Variants in ESYT3 observed in about 807,000 individuals in gnomAD.
ESYT3 encodes extended synaptotagmin-3.
ESYT3 carries 101 observed loss-of-function variants against 111.5 expected under a neutral mutation model. That is an observed-to-expected ratio of 0.91 (90% CI 0.77 to 1.07). The LOEUF (loss-of-function observed/expected upper bound fraction) is 1.07, where lower values mean the gene tolerates loss of function less well. ESYT3 is among the 50% of genes least tolerant of loss of function. The pLI, the probability that ESYT3 is intolerant of heterozygous loss-of-function variation, is 0.00. For synonymous variants in ESYT3, 416 were observed against 446.8 expected (o/e 0.93, Z 0.87); for missense variants, 1,097 against 1,109.4 (o/e 0.99, Z 0.16).
chr3:138,472,654 C>G lies in ESYT3; in HGVS notation c.2032C>G (p.Pro678Ala). Residue 678 changes from proline to alanine, a missense_variant, in exon 18 of 23, where the codon CCC (proline) becomes GCC (alanine). Pro to Ala is a conservative substitution (Grantham distance 27). Coordinates refer to ENST00000389567, the MANE Select transcript of ESYT3 (RefSeq NM_031913.5). ...GGACAGTGCCAAAAGGTTCTGTGAG[C>G]CCATCGGGGAGAAGAAGAGTCCAGC... ...GKDSAKRFCEPIGEKKSPATI... is the reference protein window; with the variant it reads ...GKDSAKRFCEAIGEKKSPATI... The G allele has an allele frequency of 6.2e-7, 1 of 1,614,220 alleles. No individual in the cohort carries two copies. Among genetic ancestry groups the G allele is most frequent in the Non-Finnish European group, 8.5e-7 (1 of 1,180,040 alleles).
intron 8 of ESYT3, chr3:138,462,526 C>T: frequency 2.1e-6 from 1 of 481,340 alleles, no homozygotes; most frequent in Non-Finnish European, 3.7e-6. Context: ...ACCTTAACTT[C>T]CTTTTACAAT....
chr3:138,481,213 T>A (rs2033682269), downstream of ESYT3: 3 of 152,116 alleles, frequency 2.0e-5, no homozygotes, highest in South Asian at 6.2e-4. Context: ...AGACCACACA[T>A]CTCTCCGTGA....
chr3:138,465,090 G>A (rs2032855320), intron 9 of ESYT3, among the ~76,000 whole-genome samples: 1 of 152,222 alleles, frequency 6.6e-6, no homozygotes, highest in Non-Finnish European at 1.5e-5. Context: ...TCAGGACACC[G>A]CATGGCCCAT....
chr3:138,467,701 A>G (rs927261159), intron 11 of ESYT3, 92 bp downstream of exon 11: 1 of 1,190,584 alleles, frequency 8.4e-7, no homozygotes, highest in Admixed American at 1.9e-5. Context: ...AGCTATTCCT[A>G]TGCTGTGGTC....
At chr3:138,473,435 C>T (rs1006900729) in intron 18 of ESYT3, 101 bp from the exon 19 acceptor site, 22 of 1,010,966 alleles carry the variant, frequency 2.2e-5, no homozygotes, top group Middle Eastern at 2.2e-4. Flanking sequence ...TCCTACATGG[C>T]TCTATACTCC....
In ESYT3 at chr3:138,472,884, T is replaced by C. The variant is rs1035654242; in HGVS notation, c.2237+25T>C. ...AGTATGCACCTCTCTGCTTAATCTT[T>C]TCTAAAATCGCCTGTATGAAAAATA... On this transcript the variant is annotated intron_variant, in intron 18 of 22. Coordinates refer to ENST00000389567, the MANE Select transcript of ESYT3 (RefSeq NM_031913.5). 6 of 1,588,012 alleles carry C rather than the reference T, an allele frequency of 3.8e-6. No homozygotes were observed. The African/African-American group carries it at 8.1e-5, about 22-fold the overall frequency.
chr3:138,455,262 C>G lies in ESYT3; in HGVS notation c.438C>G (p.Pro146=). The change falls in exon 3 of 23, where the codon CCC becomes CCG. Residue 146 remains proline (P), a synonymous_variant. Transcript: ENST00000389567. ...MESKFREKLE[P]KIREKSIHLR... is the part of the protein sequence containing the mutation. ...GCAAGTTCCGGGAGAAACTTGAGCC[C>G]AAGATCCGAGAGAAGAGCATCCACC... The G allele has an allele frequency of 4.3e-6, 7 of 1,614,146 alleles. No individual in the cohort carries two copies. Among genetic ancestry groups the G allele is most frequent in the Non-Finnish European group, 5.9e-6 (7 of 1,180,018 alleles).
At chr3:138,442,970 A>G (rs897757211) in intron 1 of ESYT3, among the ~76,000 whole-genome samples, 2 of 152,160 alleles carry the variant, frequency 1.3e-5, no homozygotes, top group Non-Finnish European at 2.9e-5. Flanking sequence ...AACTTCTAGG[A>G]ATTACCAACC....
At chr3:138,450,648 A>G (rs138204815) in intron 1 of ESYT3, among the ~76,000 whole-genome samples, 1 of 152,204 alleles carries the variant, frequency 6.6e-6, no homozygotes, top group African/African-American at 2.4e-5. Context: ...CTGACCAATC[A>G]AGGCTGTTAA....
chr3:138,450,582 T>A (rs1414325658), intron 1 of ESYT3, among the ~76,000 whole-genome samples: 3 of 152,164 alleles, frequency 2.0e-5, no homozygotes, highest in Non-Finnish European at 4.4e-5. Flanking sequence ...GAGAATAGTA[T>A]CCCAAGAGAG....
intron 1 of ESYT3, among the ~76,000 whole-genome samples, chr3:138,443,207 G>A (rs1303537778): frequency 6.6e-6 from 1 of 152,210 alleles, no homozygotes; most frequent in Non-Finnish European, 1.5e-5. Flanking sequence ...GGCTGCGTGT[G>A]TTAAGGAGCT....
intron 2 of ESYT3, among the ~76,000 whole-genome samples, chr3:138,452,309 C>A (rs2031994469): frequency 6.6e-6 from 1 of 152,154 alleles, no homozygotes; most frequent in Non-Finnish European, 1.5e-5. Context: ...TTAGAAAATA[C>A]AGAGAAGTAT....
At chr3:138,469,074 CT>C (rs1448389784) in intron 14 of ESYT3, among the ~76,000 whole-genome samples, 193 bp downstream of exon 14, 1 of 152,154 alleles carries the variant, frequency 6.6e-6, no homozygotes, top group African/African-American at 2.4e-5. Context: ...TTTGTTATCC[CT>C]GAGTCTCATG....
chr3:138,470,337 G>A lies in ESYT3; in HGVS notation c.1590+191G>A, dbSNP rs571474669. On this transcript the variant is annotated intron_variant, in intron 16 of 22. Coordinates refer to ENST00000389567, the MANE Select transcript of ESYT3 (RefSeq NM_031913.5). ...GCTAGTGCCTGAGGTCACTGTATAG[G>A]GGGATGTGGGAGGATAAATCCTCAA... is the stretch of plus-strand genomic sequence containing the variant. 8.5e-6 allele frequency: 11 copies of A among 1,301,238 alleles called. No homozygotes were observed. In the East Asian group the frequency reaches 3.2e-4, roughly 38 times the overall value. The allele number at this position is 1,301,238 out of a possible 1,614,324, so 80.6% of individuals were successfully genotyped here.
intron 8 of ESYT3, 67 bp from the exon 9 acceptor site, chr3:138,464,278 C>T: frequency 6.4e-7 from 1 of 1,563,642 alleles, no homozygotes. Context: ...ATGGTTTTAG[C>T]TCTGATACTC....
intron 2 of ESYT3, among the ~76,000 whole-genome samples, chr3:138,454,726 C>T (rs2032164130): frequency 6.6e-6 from 1 of 152,218 alleles, no homozygotes; most frequent in Non-Finnish European, 1.5e-5. Flanking sequence ...AGTCATTCTG[C>T]TGCAGAAATC....
Position 138,472,587 on chromosome 3 carries a change from T to C in ESYT3, c.1965T>C (p.Thr655=). 6.2e-7 allele frequency: 1 copy of C among 1,614,236 alleles called. No homozygotes were observed. Residue 655 remains threonine, a synonymous_variant, in exon 18 of 23, where the codon ACT becomes ACC. Transcript: ENST00000389567. The part of the protein sequence containing the change: ...TTTTSATTVA[T]EPTSQETGPE... ...CCACCAGTGCTACCACCGTTGCCACTGAGCCCACATCCCAAGAGACAGGCC... is the reference window on the plus strand; with the variant it reads ...CCACCAGTGCTACCACCGTTGCCACCGAGCCCACATCCCAAGAGACAGGCC...
At chr3:138,472,917 G>T in intron 18 of ESYT3, 58 bp downstream of exon 18, 1 of 1,549,720 alleles carries the variant, frequency 6.5e-7, no homozygotes. Context: ...ATACCTCGCT[G>T]GATGGAAAAG....
chr3:138,459,303 A>T (rs2032483585), intron 5 of ESYT3, 50 bp downstream of exon 5: 4 of 1,458,854 alleles, frequency 2.7e-6, no homozygotes, highest in Non-Finnish European at 3.7e-6. Flanking sequence ...CAGGGTGGGG[A>T]TCAGGGAAGG....
Sources: gnomAD v4.1 joint callset for allele counts (sites outside exome capture counted in the v4.1 genomes callset) on GRCh38, gnomAD v4.1.1 for gene constraint, MANE v1.5 for transcripts, NCBI Gene and HGNC (gene_info 2026-07-23, HGNC 2026-07-21) for gene names.